Variants in MTUS2 observed in about 807,000 individuals in gnomAD.
MTUS2 encodes the protein microtubule associated scaffold protein 2, also known as microtubule-associated tumor suppressor candidate 2.
Under a neutral mutation model 114.1 loss-of-function variants are expected in MTUS2, and 40 were observed. The ratio of observed to expected loss-of-function variants is 0.35; its 90% CI spans 0.27 to 0.46. The LOEUF is 0.46. Ranked by LOEUF, MTUS2 falls within the 20% of genes least tolerant of loss-of-function variation. MTUS2 has a pLI of 1.00. For synonymous variants in MTUS2, 688 were observed against 672.0 expected, an observed-to-expected ratio of 1.02 and a Z score of -0.37; for missense variants, 1,679 against 1,705.4, an observed-to-expected ratio of 0.98 and a Z score of 0.27.
At chr13:28,970,232 A>G (rs1346267589) in intron 2 of MTUS2, among the ~76,000 whole-genome samples, 1 of 147,114 alleles carries the variant, frequency 6.8e-6, no homozygotes, top group Non-Finnish European at 1.5e-5. Flanking sequence ...AATGTTTAGT[A>G]TTATGCTTCA....
At chr13:29,343,105 T>A (rs1054235045) in intron 7 of MTUS2, among the ~76,000 whole-genome samples, 1 of 152,116 alleles carries the variant, frequency 6.6e-6, no homozygotes, top group Non-Finnish European at 1.5e-5. Context: ...GTCAGGGAAA[T>A]TGGTCTGTAA....
chr13:29,378,816 G>A (rs1009959791), intron 8 of MTUS2, among the ~76,000 whole-genome samples: 1 of 152,068 alleles, frequency 6.6e-6, no homozygotes, highest in Non-Finnish European at 1.5e-5. Flanking sequence ...GGGGACCCAT[G>A]CCTTGCTCAC....
At chr13:29,332,408 C>T (rs576437736) in intron 7 of MTUS2, among the ~76,000 whole-genome samples, 70 of 151,610 alleles carry the variant, frequency 4.6e-4, no homozygotes, top group African/African-American at 1.6e-3. Flanking sequence ...TGGTGATATC[C>T]CCTTTATCAT....
chr13:29,146,700 G>T (rs1224091291), intron 5 of MTUS2, among the ~76,000 whole-genome samples: 3 of 152,180 alleles, frequency 2.0e-5, no homozygotes, highest in Admixed American at 2.0e-4. Flanking sequence ...CTAAATGCCA[G>T]TATAAAGACT....
At chr13:29,129,278 G>A (rs1891653073) in intron 5 of MTUS2, among the ~76,000 whole-genome samples, 1 of 148,824 alleles carries the variant, frequency 6.7e-6, no homozygotes, top group South Asian at 2.1e-4. Flanking sequence ...TGAGAGAACT[G>A]TAATTCTGTA....
intron 5 of MTUS2, among the ~76,000 whole-genome samples, chr13:29,183,157 C>T (rs1698295414): frequency 6.6e-6 from 1 of 152,008 alleles, no homozygotes; most frequent in South Asian, 2.1e-4. Flanking sequence ...TGAATTGTAC[C>T]ACGGAAGGTG....
chr13:29,368,941 G>A (rs948095958), intron 8 of MTUS2, among the ~76,000 whole-genome samples: 1 of 152,224 alleles, frequency 6.6e-6, no homozygotes, highest in African/African-American at 2.4e-5. Context: ...GCCAGGTAAG[G>A]AGCAGTAGGC....
chr13:28,839,496 G>A (rs1875325823), intron 1 of MTUS2, among the ~76,000 whole-genome samples: 1 of 151,988 alleles, frequency 6.6e-6, no homozygotes, highest in South Asian at 2.1e-4. Context: ...ACTACTTGAG[G>A]GATTAATATA....
intron 5 of MTUS2, among the ~76,000 whole-genome samples, chr13:29,184,071 G>A (rs1275160240): frequency 6.6e-6 from 1 of 152,166 alleles, no homozygotes; most frequent in Non-Finnish European, 1.5e-5. Flanking sequence ...ACATTTCAAA[G>A]TAAGTTGCAG....
intron 4 of MTUS2, among the ~76,000 whole-genome samples, chr13:29,087,714 T>G (rs685778): frequency 0.65 from 98,236 of 152,030 alleles, 32,831 homozygotes; most frequent in Non-Finnish European, 0.74. Flanking sequence ...TTTGGGGTTG[T>G]TTTGCTCTCA....
chr13:29,324,943 T>C (rs1276268506), intron 7 of MTUS2, among the ~76,000 whole-genome samples: 1 of 152,246 alleles, frequency 6.6e-6, no homozygotes, highest in Admixed American at 6.5e-5. Context: ...GAATCTTCTC[T>C]GTGTAGGGGT....
intron 4 of MTUS2, among the ~76,000 whole-genome samples, chr13:29,065,146 A>G (rs1304002016): frequency 6.6e-6 from 1 of 152,214 alleles, no homozygotes; most frequent in African/African-American, 2.4e-5. Context: ...CATACCCAGT[A>G]ATGAGATTGC....
At chr13:29,068,773 C>G (rs1290449341) in intron 4 of MTUS2, among the ~76,000 whole-genome samples, 1 of 152,084 alleles carries the variant, frequency 6.6e-6, no homozygotes, top group Admixed American at 6.5e-5. Flanking sequence ...AAGATTGGCA[C>G]AGGTAGATTG....
At chr13:29,487,781 G>A (rs570325557) in intron 10 of MTUS2, 119 bp from the exon 11 acceptor site, 16 of 793,696 alleles carry the variant, frequency 2.0e-5, no homozygotes, top group South Asian at 1.7e-4. Context: ...CTCCTGCTTC[G>A]GCACAAGGCT....
intron 6 of MTUS2, chr13:29,306,784 A>C (rs1407470548): frequency 5.8e-6 from 2 of 344,420 alleles, no homozygotes; most frequent in Non-Finnish European, 1.2e-5. Context: ...CATCATGGTG[A>C]AGGTGAAGGC....
chr13:28,947,667 A>G (rs1027776888), intron 2 of MTUS2, among the ~76,000 whole-genome samples: 1 of 152,180 alleles, frequency 6.6e-6, no homozygotes, highest in East Asian at 1.9e-4. Flanking sequence ...AAAGAATCTA[A>G]CTGTAGCACT....
chr13:29,497,466 C>A, intron 13 of MTUS2, 130 bp downstream of exon 13: 6 of 738,850 alleles, frequency 8.1e-6, no homozygotes, highest in Non-Finnish European at 1.4e-5. Flanking sequence ...CAGCTGGTCA[C>A]GACCTCCCCT....
chr13:28,958,853 A>T (rs1397448611), intron 2 of MTUS2, among the ~76,000 whole-genome samples: 2 of 152,238 alleles, frequency 1.3e-5, no homozygotes, highest in Non-Finnish European at 2.9e-5. Context: ...TTTCAGAAGG[A>T]TAAGGCAATG....
At chr13:29,227,258 CA>C (rs10680419) in intron 5 of MTUS2, among the ~76,000 whole-genome samples, 19 of 120,660 alleles carry the variant, frequency 1.6e-4, no homozygotes, top group Admixed American at 3.5e-4. Context: ...GACTCCGTCT[CA>C]AAAAAAAAAA....
Sources: gnomAD v4.1 joint callset for allele counts (sites outside exome capture counted in the v4.1 genomes callset) on GRCh38, gnomAD v4.1.1 for gene constraint, MANE v1.5 for transcripts, NCBI Gene and HGNC (gene_info 2026-07-23, HGNC 2026-07-21) for gene names.